PARD3: variants seen among roughly 807,000 people sequenced by gnomAD.
PARD3 encodes partitioning defective 3 homolog.
A neutral mutation model predicts 155.4 loss-of-function variants in PARD3; 75 were observed. That is an observed-to-expected ratio of 0.48 (90% CI 0.40 to 0.58). PARD3 has a LOEUF of 0.58. Ranked by LOEUF, PARD3 falls within the 20% of genes least tolerant of loss-of-function variation. The probability of loss-of-function intolerance (pLI) is 0.00; values close to 1 mark genes in which losing one functional copy is unlikely to be tolerated. For synonymous variants in PARD3, 576 were observed against 610.5 expected, an observed-to-expected ratio of 0.94 and a Z score of 0.83; for missense variants, 1,642 against 1,721.7, an observed-to-expected ratio of 0.95 and a Z score of 0.82.
intron 2 of PARD3, among the ~76,000 whole-genome samples, chr10:34,685,664 G>A (rs1387320155): frequency 6.6e-6 from 1 of 151,304 alleles, no homozygotes; most frequent in African/African-American, 2.4e-5. Context: ...GGCAATCTCG[G>A]CTCACTACAA....
intron 7 of PARD3, among the ~76,000 whole-genome samples, chr10:34,398,091 C>T (rs1022694667): frequency 6.6e-6 from 1 of 152,070 alleles, no homozygotes; most frequent in African/African-American, 2.4e-5. Flanking sequence ...GAATATAACA[C>T]CACTTGAAAA....
chr10:34,569,276 C>A (rs538583166), intron 2 of PARD3, among the ~76,000 whole-genome samples: 5 of 152,108 alleles, frequency 3.3e-5, no homozygotes, highest in Admixed American at 6.5e-5. Flanking sequence ...GTTCATGTTA[C>A]CACAGGACAT....
chr10:34,201,955 A>AT (rs1277448491), intron 22 of PARD3: 1 of 152,166 alleles, frequency 6.6e-6, no homozygotes, highest in Admixed American at 6.5e-5. Context: ...GCAAAGTATC[A>AT]TTTTTTGTTT....
At chr10:34,554,342 A>C (rs2084820810) in intron 2 of PARD3, among the ~76,000 whole-genome samples, 1 of 152,236 alleles carries the variant, frequency 6.6e-6, no homozygotes, top group African/African-American at 2.4e-5. Flanking sequence ...ATAAGGTTTT[A>C]AACTTTGTGC....
At chr10:34,630,448 T>C (rs1200321046) in intron 2 of PARD3, among the ~76,000 whole-genome samples, 1 of 151,078 alleles carries the variant, frequency 6.6e-6, no homozygotes, top group Non-Finnish European at 1.5e-5. Flanking sequence ...TCTCTCTTTT[T>C]TTTTTTTTTT....
At chr10:34,152,300 T>A (rs190098364) in intron 22 of PARD3, among the ~76,000 whole-genome samples, 32 of 152,344 alleles carry the variant, frequency 2.1e-4, no homozygotes, top group African/African-American at 6.7e-4. Context: ...AATATCATCA[T>A]GTGAATATGA....
intron 1 of PARD3, among the ~76,000 whole-genome samples, chr10:34,775,220 C>T (rs747911444): frequency 9.9e-5 from 15 of 152,134 alleles, no homozygotes; most frequent in Non-Finnish European, 2.9e-5. Flanking sequence ...AGATTGACCA[C>T]CAAAAGGAAC....
At chr10:34,685,877 A>G (rs1396627438) in intron 2 of PARD3, among the ~76,000 whole-genome samples, 2 of 152,140 alleles carry the variant, frequency 1.3e-5, no homozygotes, top group Admixed American at 1.3e-4. Context: ...TACAGAGGTG[A>G]GCCACCATGC....
intron 2 of PARD3, among the ~76,000 whole-genome samples, chr10:34,679,694 A>G (rs1050358694): frequency 5.3e-5 from 8 of 152,208 alleles, no homozygotes. Flanking sequence ...ACCCTTTCAA[A>G]AGGCAACAGG....
rs557396634 is a variant in PARD3 at position 34,144,122 on chromosome 10, A to G, written c.3420-12539T>C. On this transcript the variant is annotated intron_variant, in intron 22 of 24. Transcript: ENST00000374788. ...GGTTTGGAGTTATTGATAGATTTTG[A>G]AAACTGGAGTTATTGACAGATTTTG... Among the ~76,000 whole-genome samples, 158 of 152,326 alleles carry G rather than the reference A, an allele frequency of 1.0e-3. 1 individual carries two copies. Among genetic ancestry groups the G allele is most frequent in the African/African-American group, 3.8e-3 (157 of 41,576 alleles).
intron 2 of PARD3, among the ~76,000 whole-genome samples, chr10:34,581,526 G>A (rs4393259): frequency 0.064 from 9,686 of 152,124 alleles, 987 homozygotes; most frequent in African/African-American, 0.22. Flanking sequence ...GAGCCACCGC[G>A]CCCGGCCTAT....
chr10:34,808,930 G>A (rs1015099209), intron 1 of PARD3, among the ~76,000 whole-genome samples: 27 of 152,176 alleles, frequency 1.8e-4, no homozygotes, highest in African/African-American at 5.3e-4. Flanking sequence ...AATCAGAGGC[G>A]CCAGACCAAG....
chr10:34,227,624 G>A lies in PARD3; in HGVS notation c.3419+42033C>T, dbSNP rs1307550623. 3.3e-5 allele frequency among the ~76,000 whole-genome samples: 5 copies of A among 152,144 alleles called. No homozygotes were observed. The East Asian group carries it at 7.7e-4, about 24-fold the overall frequency. On this transcript the variant is annotated intron_variant, in intron 22 of 24. Coordinates refer to ENST00000374788, the MANE Select transcript of PARD3 (RefSeq NM_001184785.2). ...TTGCACGCCAGCCTGGGCAACAAGA[G>A]CGAAACTCTGTCTCTAAATAAATAA...
At chr10:34,388,229 C>T (rs1212417740) in intron 7 of PARD3, among the ~76,000 whole-genome samples, 3 of 152,080 alleles carry the variant, frequency 2.0e-5, no homozygotes, top group Admixed American at 6.5e-5. Context: ...CTTAACCACA[C>T]TATTAGAATC....
At chr10:34,736,070 C>T (rs529135321) in intron 1 of PARD3, among the ~76,000 whole-genome samples, 64 of 152,154 alleles carry the variant, frequency 4.2e-4, no homozygotes, top group East Asian at 2.1e-3. Flanking sequence ...CTCGCTCTGC[C>T]GCCCAGGCTG....
chr10:34,796,908 C>A (rs369380125), intron 1 of PARD3, among the ~76,000 whole-genome samples: 27 of 152,286 alleles, frequency 1.8e-4, no homozygotes, highest in African/African-American at 4.8e-4. Flanking sequence ...TCACTTGAAC[C>A]CAGGAGACGG....
chr10:34,511,316 G>C (rs1311827882), intron 3 of PARD3, among the ~76,000 whole-genome samples: 2 of 152,062 alleles, frequency 1.3e-5, no homozygotes, highest in Admixed American at 1.3e-4. Context: ...TACAATGTTT[G>C]GTTGTCTCTC....
chr10:34,348,173 G>C, intron 14 of PARD3, 58 bp from the exon 15 acceptor site: 1 of 1,454,606 alleles, frequency 6.9e-7, no homozygotes, highest in Non-Finnish European at 9.3e-7. Context: ...CCAATTAGCA[G>C]CATGGGAGAA....
At chr10:34,508,584 T>C (rs1341526316) in intron 3 of PARD3, among the ~76,000 whole-genome samples, 5 of 152,112 alleles carry the variant, frequency 3.3e-5, no homozygotes, top group African/African-American at 4.8e-5. Context: ...ACACAAAATA[T>C]CACCAGCCTT....
Sources: allele counts gnomAD v4.1 joint callset (sites outside exome capture counted in the v4.1 genomes callset), GRCh38; gene constraint gnomAD v4.1.1; transcripts MANE v1.5; gene names NCBI Gene and HGNC (gene_info 2026-07-23, HGNC 2026-07-21).